RASGRF1: variants seen among roughly 807,000 people sequenced by gnomAD.
RASGRF1 encodes the protein ras-specific guanine nucleotide-releasing factor 1.
In RASGRF1, 40 loss-of-function variants were observed where a neutral mutation model predicts 138.7. The observed-to-expected ratio is 0.29, with a 90% confidence interval of 0.22 to 0.38. The LOEUF (loss-of-function observed/expected upper bound fraction) is 0.38. Among genes scored for constraint, RASGRF1 ranks in the 10% least tolerant of loss-of-function variants. The probability of loss-of-function intolerance (pLI) is 1.00; values close to 1 mark genes in which losing one functional copy is unlikely to be tolerated. For synonymous variants in RASGRF1, 614 were observed against 663.2 expected (o/e 0.93, Z 1.14); for missense variants, 1,108 against 1,650.4 (o/e 0.67, Z 5.69).
intron 22 of RASGRF1, 176 bp downstream of exon 22, chr15:78,990,013 G>A: frequency 1.6e-6 from 1 of 628,926 alleles, no homozygotes; most frequent in Non-Finnish European, 2.8e-6. Context: ...AATAGGAGAA[G>A]AGACTGAGAC....
At chr15:79,023,763 T>G (rs12442230) in intron 10 of RASGRF1, among the ~76,000 whole-genome samples, 71,803 of 151,932 alleles carry the variant, frequency 0.47, 18,559 homozygotes, top group South Asian at 0.63. Context: ...AGCCTCCAGG[T>G]CTCCTGTGCT....
In RASGRF1 at chr15:79,006,925, T is replaced by C. The variant is rs2056687791; in HGVS notation, c.1827-491A>G. On this transcript the variant is annotated intron_variant, in intron 13 of 26. Coordinates refer to ENST00000558480, the MANE Select transcript of RASGRF1 (RefSeq NM_001145648.3). The surrounding 1 kb of genome is among the most constrained non-coding windows in gnomAD (Gnocchi z 4.0). Reference sequence around the variant, plus strand: ...TACTAGGGAGGCTGAGGCACAAGAATCGCTTGAACCCTGGAGATGGAGGTT... The same window carrying C: ...TACTAGGGAGGCTGAGGCACAAGAACCGCTTGAACCCTGGAGATGGAGGTT... 6.6e-6 allele frequency among the ~76,000 whole-genome samples: 1 copy of C among 152,096 alleles called. No individual in the cohort carries two copies. Among genetic ancestry groups the C allele is most frequent in the Non-Finnish European group, 1.5e-5 (1 of 68,022 alleles).
intron 21 of RASGRF1, among the ~76,000 whole-genome samples, chr15:78,990,967 G>A (rs1595876631): frequency 6.6e-6 from 1 of 152,240 alleles, no homozygotes; most frequent in African/African-American, 2.4e-5. Context: ...AGTGCCAGGT[G>A]GGGCTGAGGC....
chr15:79,025,528 C>G, intron 9 of RASGRF1, 54 bp from the exon 10 acceptor site: 1 of 1,558,432 alleles, frequency 6.4e-7, no homozygotes, highest in Non-Finnish European at 8.7e-7. Context: ...ACCTTTGCCT[C>G]TGACCCAGCC....
intron 1 of RASGRF1, among the ~76,000 whole-genome samples, chr15:79,085,383 G>C (rs2141110177): frequency 6.6e-6 from 1 of 152,270 alleles, no homozygotes; most frequent in South Asian, 2.1e-4. Flanking sequence ...TGGGTTAGAG[G>C]GGCCAGCAAA....
intron 14 of RASGRF1, chr15:79,005,040 G>A: frequency 1.0e-6 from 1 of 985,544 alleles, no homozygotes; most frequent in South Asian, 4.7e-5. Context: ...TGTCTGCTGG[G>A]CCCCTGGGAA....
intron 3 of RASGRF1, among the ~76,000 whole-genome samples, chr15:79,057,869 G>C (rs2057531629): frequency 6.6e-6 from 1 of 152,228 alleles, no homozygotes; most frequent in East Asian, 1.9e-4. Context: ...AAGATGGATG[G>C]AGGGAAGGGG....
chr15:79,002,241 T>C (rs2056546412), intron 15 of RASGRF1, among the ~76,000 whole-genome samples: 1 of 152,190 alleles, frequency 6.6e-6, no homozygotes, highest in Admixed American at 6.5e-5. Context: ...TTTTAACCTA[T>C]TGCCGCGTGC....
At chr15:79,026,599 T>G (rs1303092926) in intron 9 of RASGRF1, among the ~76,000 whole-genome samples, 2 of 152,078 alleles carry the variant, frequency 1.3e-5, no homozygotes, top group African/African-American at 4.8e-5. Context: ...GACTGACAAG[T>G]GAGAAACGCC....
Position 79,048,397 on chromosome 15 carries a change from G to A in RASGRF1, c.624+1099C>T, listed in dbSNP as rs112154349. Among the ~76,000 whole-genome samples, 762 of 152,286 alleles carry A rather than the reference G, an allele frequency of 5.0e-3. 6 individuals are homozygous for A. The highest frequency in any genetic ancestry group is 0.017 in the African/African-American group (693 of 41,556). Reference sequence around the variant, plus strand: ...GCAGCATAGCCTCTGGAGCTTGGCCGCCAGGGTTTGAATGTTACTCTGTAA... The same window carrying A: ...GCAGCATAGCCTCTGGAGCTTGGCCACCAGGGTTTGAATGTTACTCTGTAA... On this transcript the variant is annotated intron_variant, in intron 4 of 26. Transcript: ENST00000558480.
intron 20 of RASGRF1, among the ~76,000 whole-genome samples, chr15:78,992,344 G>C (rs910919385): frequency 1.3e-5 from 2 of 152,224 alleles, no homozygotes; most frequent in African/African-American, 2.4e-5. Flanking sequence ...CGTGTCCCTG[G>C]CCCCCAGGGG....
chr15:78,973,723 CTTCTGTCCCA>C lies in RASGRF1; in HGVS notation c.3495-313_3495-304del, dbSNP rs1247101265. On this transcript the variant is annotated intron_variant, in intron 24 of 26. Transcript: ENST00000558480. The surrounding 1 kb of genome is among the most constrained non-coding windows in gnomAD (Gnocchi z 4.9). ...AGAAGGTCCTCCCCTACCTCTCTGC[CTTCTGTCCCA>C]GTCAGTCCCTGGGCTCTGTCACCAG... Among the ~76,000 whole-genome samples the C allele has an allele frequency of 6.6e-6, 1 of 152,148 alleles. No individual in the cohort carries two copies. The highest frequency in any genetic ancestry group is 1.5e-5 in the Non-Finnish European group (1 of 68,022).
intron 2 of RASGRF1, 89 bp from the exon 3 acceptor site, chr15:79,058,570 C>A (rs1311881268): frequency 4.0e-6 from 6 of 1,497,530 alleles, no homozygotes; most frequent in Non-Finnish European, 5.4e-6. Context: ...GGGGCTCACC[C>A]ACCCACCTGC....
At chr15:79,059,382 C>CCTTTCCCTAT (rs2057562626) in intron 2 of RASGRF1, among the ~76,000 whole-genome samples, 3 of 60,670 alleles carry the variant, frequency 4.9e-5, no homozygotes, top group African/African-American at 7.9e-5. Context: ...TCCTTCCCTT[C>CCTTTCCCTAT]CCTTCCCTTC....
intron 26 of RASGRF1, among the ~76,000 whole-genome samples, chr15:78,965,848 C>T (rs1454809249): frequency 6.6e-6 from 1 of 152,136 alleles, no homozygotes; most frequent in Non-Finnish European, 1.5e-5. Context: ...GAAACTCCGT[C>T]TCAAAAATAA....
chr15:79,061,413 A>AATATATATATATATATAT (rs57956576), intron 2 of RASGRF1, among the ~76,000 whole-genome samples: 2,440 of 116,860 alleles, frequency 0.021, 77 homozygotes, highest in African/African-American at 0.031. Flanking sequence ...CTATCTTTAA[A>AATATATATATATATATAT]ATATATATAT....
chr15:79,056,293 A>G (rs1177718244), intron 3 of RASGRF1, among the ~76,000 whole-genome samples: 1 of 152,192 alleles, frequency 6.6e-6, no homozygotes, highest in Non-Finnish European at 1.5e-5. Context: ...TGACACTTGG[A>G]CACTCTTGAT....
At position 79,004,172 on chromosome 15, in the gene RASGRF1, C is replaced by T. The variant is rs144812505; in HGVS notation, c.2079G>A (p.Ser693=). The change falls in exon 15 of 27, where the codon TCG becomes TCA. Residue 693 remains serine (S), a synonymous_variant. Transcript: ENST00000558480. ...KKPISAIPAR[S]LELLFASGQN... ...GGCCACTGGCAAACAGGAGCTCCAG[C>T]GACCTGTGGGGAGGGCGGGGGTGAA... The T allele has an allele frequency of 2.0e-4, 321 of 1,574,518 alleles. No individual in the cohort carries two copies. Among genetic ancestry groups the T allele is most frequent in the Non-Finnish European group, 2.4e-4 (278 of 1,157,748 alleles).
intron 1 of RASGRF1, among the ~76,000 whole-genome samples, chr15:79,083,469 C>A (rs1179477964): frequency 1.3e-5 from 2 of 152,188 alleles, no homozygotes; most frequent in African/African-American, 4.8e-5. Flanking sequence ...TGGATGCCTG[C>A]CTTGGTGCGC....
Sources: gnomAD v4.1 joint callset for allele counts (sites outside exome capture counted in the v4.1 genomes callset) on GRCh38, gnomAD v4.1.1 for gene constraint, Gnocchi (gnomAD v3.1) non-coding constraint, MANE v1.5 for transcripts, NCBI Gene and HGNC (gene_info 2026-07-23, HGNC 2026-07-21) for gene names.